The following TLE1 variants were observed in gnomAD, a reference collection of about 807,000 sequenced individuals.
TLE1 encodes TLE family member 1, transcriptional corepressor.
Under a neutral mutation model 89.8 loss-of-function variants are expected in TLE1, and 21 were observed. The ratio of observed to expected loss-of-function variants is 0.23; its 90% CI spans 0.17 to 0.34. TLE1 has a LOEUF of 0.34. TLE1 is among the 10% of genes least tolerant of loss of function. The pLI, the probability that TLE1 is intolerant of heterozygous loss-of-function variation, is 1.00. For synonymous variants in TLE1, 447 were observed against 407.6 expected (o/e 1.10, Z -1.16); for missense variants, 795 against 1,031.2 (o/e 0.77, Z 3.14).
At chr9:81,625,915 A>T (rs1428458438) in intron 8 of TLE1, among the ~76,000 whole-genome samples, 13 of 146,738 alleles carry the variant, frequency 8.9e-5, no homozygotes, top group African/African-American at 3.3e-4. Context: ...AACTACTAAA[A>T]AAAAAAAAAA....
chr9:81,599,959 T>G, intron 14 of TLE1: 1 of 557,614 alleles, frequency 1.8e-6, no homozygotes, highest in Non-Finnish European at 3.3e-6. Flanking sequence ...AAAAGAAGAT[T>G]ACAAGCAAAG....
chr9:81,661,164 ATATATATT>A (rs1830740191), intron 4 of TLE1, among the ~76,000 whole-genome samples: 1 of 134,176 alleles, frequency 7.5e-6, no homozygotes, highest in Non-Finnish European at 1.6e-5. Flanking sequence ...TAAAAAATAC[ATATATATT>A]TATATATATG....
chr9:81,598,237 C>T (rs1249740546), intron 14 of TLE1, among the ~76,000 whole-genome samples: 1 of 152,128 alleles, frequency 6.6e-6, no homozygotes, highest in African/African-American at 2.4e-5. Flanking sequence ...CTTAAACTCC[C>T]AGCCACACAG....
Position 81,616,655 on chromosome 9 carries a change from C to G in TLE1, c.756G>C (p.Val252=). The G allele has an allele frequency of 6.2e-7, 1 of 1,614,042 alleles. No homozygotes were observed. The highest frequency in any genetic ancestry group is 1.7e-5 in the Admixed American group (1 of 59,996). ...DKSDDNLVVD[V]SNEDPSSPRA... ...TGAAAAGAATGGTTACCTCATTAGA[C>G]ACATCCACAACTAAGTTGTCATCGC... The change falls in exon 10 of 20, where the codon GTG becomes GTC. Residue 252 remains valine, a synonymous_variant. Transcript: ENST00000376499.
chr9:81,612,127 T>C (rs1192914381), intron 12 of TLE1, among the ~76,000 whole-genome samples, 168 bp from the exon 13 acceptor site: 1 of 152,070 alleles, frequency 6.6e-6, no homozygotes, highest in Non-Finnish European at 1.5e-5. Flanking sequence ...GATCCCTCCT[T>C]CCCCAGAGCG....
intron 15 of TLE1, among the ~76,000 whole-genome samples, chr9:81,592,718 G>A (rs2131839026): frequency 6.6e-6 from 1 of 152,288 alleles, no homozygotes; most frequent in East Asian, 1.9e-4. Flanking sequence ...GCCCAGTTGT[G>A]CTTTTGTCCA....
At chr9:81,631,719 C>G (rs1472479817) in intron 8 of TLE1, among the ~76,000 whole-genome samples, 2 of 152,174 alleles carry the variant, frequency 1.3e-5, no homozygotes, top group African/African-American at 4.8e-5. Context: ...CGCATAACAG[C>G]CTAAAGGGCA....
chr9:81,617,165 C>T (rs1824644407), intron 9 of TLE1, among the ~76,000 whole-genome samples: 1 of 148,180 alleles, frequency 6.7e-6, no homozygotes, highest in African/African-American at 2.5e-5. Flanking sequence ...TCCTGGAAAG[C>T]TAGCTGGTGG....
intron 8 of TLE1, 34 bp from the exon 9 acceptor site, chr9:81,620,591 C>T: frequency 6.2e-7 from 1 of 1,600,048 alleles, no homozygotes; most frequent in Non-Finnish European, 8.5e-7. Flanking sequence ...AAGATTTCTT[C>T]CCAAGCCTCT....
intron 8 of TLE1, among the ~76,000 whole-genome samples, chr9:81,626,743 A>G (rs1825951127): frequency 6.6e-6 from 1 of 152,200 alleles, no homozygotes; most frequent in Non-Finnish European, 1.5e-5. Flanking sequence ...CAGGTGACAC[A>G]CAGGGCCGGT....
chr9:81,620,614 A>C, intron 8 of TLE1, 57 bp from the exon 9 acceptor site: 1 of 1,574,768 alleles, frequency 6.4e-7, no homozygotes, highest in Non-Finnish European at 8.6e-7. Context: ...GTACACATGA[A>C]ACCCAACCTC....
At chr9:81,664,607 A>G (rs1456622284) in intron 4 of TLE1, among the ~76,000 whole-genome samples, 1 of 152,110 alleles carries the variant, frequency 6.6e-6, no homozygotes, top group African/African-American at 2.4e-5. Context: ...CACGCCTACA[A>G]TCCCAGCACT....
intron 14 of TLE1, among the ~76,000 whole-genome samples, chr9:81,597,507 A>G (rs1539377): frequency 6.6e-6 from 1 of 151,994 alleles, no homozygotes; most frequent in East Asian, 1.9e-4. Flanking sequence ...AAGAGTAGAG[A>G]TGGACGTTTG....
At chr9:81,603,415 A>G (rs549391082) in intron 14 of TLE1, among the ~76,000 whole-genome samples, 3 of 152,240 alleles carry the variant, frequency 2.0e-5, no homozygotes, top group Non-Finnish European at 4.4e-5. Flanking sequence ...GAGAAATGAG[A>G]GATCCAGGAA....
chr9:81,649,394 G>A (rs900117133), intron 6 of TLE1, among the ~76,000 whole-genome samples: 2 of 152,144 alleles, frequency 1.3e-5, no homozygotes, highest in Admixed American at 1.3e-4. Flanking sequence ...TAACCTAGAA[G>A]CTGGATGTCC....
At chr9:81,607,337 TACACAC>T (rs3063325) in intron 14 of TLE1, among the ~76,000 whole-genome samples, 7 of 150,270 alleles carry the variant, frequency 4.7e-5, no homozygotes, top group African/African-American at 1.7e-4. Flanking sequence ...ACCCTGTTAA[TACACAC>T]ACACACACAC....
At chr9:81,651,145 T>C (rs768759523) in intron 6 of TLE1, among the ~76,000 whole-genome samples, 1 of 152,194 alleles carries the variant, frequency 6.6e-6, no homozygotes, top group Non-Finnish European at 1.5e-5. Flanking sequence ...CATTACAAAG[T>C]GTCTGAGGGA....
chr9:81,667,271 C>T (rs949858879), intron 4 of TLE1, among the ~76,000 whole-genome samples: 11 of 151,512 alleles, frequency 7.3e-5, no homozygotes, highest in Admixed American at 2.0e-4. Flanking sequence ...GTGGTGCACA[C>T]CTGTAATCCA....
chr9:81,633,967 TG>T, intron 7 of TLE1, 129 bp downstream of exon 7: 1 of 1,068,050 alleles, frequency 9.4e-7, no homozygotes, highest in Non-Finnish European at 1.3e-6. Context: ...TGGAAAGCTT[TG>T]CGACAGTTCC....
Sources: allele counts gnomAD v4.1 joint callset (sites outside exome capture counted in the v4.1 genomes callset), GRCh38; gene constraint gnomAD v4.1.1; transcripts MANE v1.5; gene names NCBI Gene and HGNC (gene_info 2026-07-23, HGNC 2026-07-21).